The following NCKAP1 variants were observed in gnomAD, a reference collection of about 807,000 sequenced individuals.
NCKAP1 encodes nck-associated protein 1.
In NCKAP1, 21 loss-of-function variants were observed where a neutral mutation model predicts 151.2. That is an observed-to-expected ratio of 0.14 (90% CI 0.10 to 0.20). The LOEUF (loss-of-function observed/expected upper bound fraction) is 0.20. Ranked by LOEUF, NCKAP1 falls within the 10% of genes least tolerant of loss-of-function variation. The pLI, the probability that NCKAP1 is intolerant of heterozygous loss-of-function variation, is 1.00. For synonymous variants in NCKAP1, 484 were observed against 451.8 expected (o/e 1.07, Z -0.90); for missense variants, 933 against 1,352.1 (o/e 0.69, Z 4.86).
chr2:183,003,588 GA>G lies in NCKAP1; in HGVS notation c.220-264del, dbSNP rs144621686. On this transcript the variant is annotated intron_variant, in intron 2 of 30. Transcript: ENST00000361354. Reference sequence around the variant, plus strand: ...ATTAAGGAAAATCTGAAAGTGTTAGGAAAAAAAGTATCAAATGAACTCTTAA... The same window carrying G: ...ATTAAGGAAAATCTGAAAGTGTTAGGAAAAAAGTATCAAATGAACTCTTAA... 5.6e-3 allele frequency among the ~76,000 whole-genome samples: 850 copies of G among 151,802 alleles called. 5 individuals are homozygous for G. The highest frequency in any genetic ancestry group is 0.019 in the African/African-American group (805 of 41,406).
Position 182,923,693 on chromosome 2 carries a change from T to C in NCKAP1, c.*2009A>G, listed in dbSNP as rs1696587202. On this transcript the variant is annotated 3_prime_UTR_variant, in exon 31 of 31. Transcript: ENST00000361354. ...AGTATGTATGGTATGATCACATTAA[T>C]GTAGAGAAAACAACAAAAATAGTAT... 1 of 152,222 alleles carries C rather than the reference T, an allele frequency of 6.6e-6. No individual in the cohort carries two copies. The highest frequency in any genetic ancestry group is 1.5e-5 in the Non-Finnish European group (1 of 68,030). The allele number at this position is 152,222 out of a possible 1,614,324, so 9.4% of individuals were successfully genotyped here. A position where few individuals can be genotyped will look rare whatever the true frequency, so the allele number is the denominator to read the frequency against.
chr2:183,027,826 G>T (rs1289331244), intron 1 of NCKAP1, among the ~76,000 whole-genome samples: 1 of 151,954 alleles, frequency 6.6e-6, no homozygotes, highest in Non-Finnish European at 1.5e-5. Flanking sequence ...TCATTTTGAG[G>T]ATAAGAAAAT....
chr2:182,959,710 T>A (rs1697402189), intron 18 of NCKAP1, among the ~76,000 whole-genome samples: 1 of 152,090 alleles, frequency 6.6e-6, no homozygotes, highest in South Asian at 2.1e-4. Context: ...CCACTCCTAT[T>A]CAACACAGTG....
intron 22 of NCKAP1, 25 bp downstream of exon 22, chr2:182,952,768 T>C: frequency 6.4e-7 from 1 of 1,553,482 alleles, no homozygotes; most frequent in Non-Finnish European, 8.7e-7. Flanking sequence ...CTTCATTCTC[T>C]AAACTGTGGT....
chr2:182,973,871 A>T (rs751407245), intron 15 of NCKAP1, among the ~76,000 whole-genome samples: 30 of 152,126 alleles, frequency 2.0e-4, no homozygotes, highest in Non-Finnish European at 3.4e-4. Context: ...AACTTGAAAA[A>T]TGCTTTATCC....
At chr2:183,034,591 T>C (rs1304530018) in intron 1 of NCKAP1, among the ~76,000 whole-genome samples, 1 of 152,176 alleles carries the variant, frequency 6.6e-6, no homozygotes, top group Non-Finnish European at 1.5e-5. Flanking sequence ...TTTGGGTATT[T>C]GGCAGTTTTG....
intron 1 of NCKAP1, among the ~76,000 whole-genome samples, chr2:183,031,371 A>G (rs1411327163): frequency 1.3e-5 from 2 of 152,220 alleles, no homozygotes; most frequent in Admixed American, 6.5e-5. Context: ...GTGTTTTTGC[A>G]GTTTTTTAAA....
intron 2 of NCKAP1, among the ~76,000 whole-genome samples, chr2:183,016,392 G>A (rs545562145): frequency 6.6e-6 from 1 of 152,264 alleles, no homozygotes; most frequent in Admixed American, 6.5e-5. Flanking sequence ...GTTCAAGATA[G>A]AATTAAAGAC....
chr2:182,926,127 T>C (rs908728563), intron 30 of NCKAP1, among the ~76,000 whole-genome samples: 2 of 151,772 alleles, frequency 1.3e-5, no homozygotes, highest in Non-Finnish European at 2.9e-5. Context: ...AATACAAAAA[T>C]ATTTTTTTTT....
intron 1 of NCKAP1, among the ~76,000 whole-genome samples, chr2:183,036,815 C>CAA (rs143710680): frequency 0.091 from 12,088 of 132,816 alleles, 704 homozygotes; most frequent in African/African-American, 0.17. Context: ...AATGAATTTC[C>CAA]AAAGAAAAAA....
At chr2:183,015,571 GA>G in intron 2 of NCKAP1, among the ~76,000 whole-genome samples, 1 of 151,910 alleles carries the variant, frequency 6.6e-6, no homozygotes, top group Admixed American at 6.5e-5. Flanking sequence ...TATAATTTCA[GA>G]AAGTCATGGT....
chr2:182,987,048 C>T (rs1698070384), intron 9 of NCKAP1, among the ~76,000 whole-genome samples: 1 of 152,102 alleles, frequency 6.6e-6, no homozygotes, highest in Non-Finnish European at 1.5e-5. Flanking sequence ...TCAAGACCAG[C>T]CTGGCCAACA....
chr2:182,964,626 T>A (rs111942627), intron 17 of NCKAP1, 50 bp downstream of exon 17: 117 of 1,434,942 alleles, frequency 8.2e-5, no homozygotes, highest in Non-Finnish European at 1.1e-4. Flanking sequence ...ACAGGTTTGA[T>A]CTAGTTTACT....
intron 10 of NCKAP1, among the ~76,000 whole-genome samples, chr2:182,985,850 T>C (rs1367034841): frequency 6.6e-6 from 1 of 151,386 alleles, no homozygotes; most frequent in Non-Finnish European, 1.5e-5. Context: ...TATATGGATA[T>C]ATTAATTTTC....
intron 1 of NCKAP1, among the ~76,000 whole-genome samples, chr2:183,026,292 G>C (rs948996336): frequency 3.3e-5 from 5 of 152,006 alleles, no homozygotes; most frequent in African/African-American, 1.2e-4. Flanking sequence ...TTAGCTTGTA[G>C]AGAAGTAAGC....
Position 182,928,243 on chromosome 2 carries a change from A to T in NCKAP1, c.3071-17T>A. ...TGCAATGCCCTGAGAAAATGCAAAT[A>T]GGGTTGTGTAGACCCCAAAATAGCA... is the stretch of plus-strand genomic sequence containing the variant. On this transcript the variant is annotated splice_polypyrimidine_tract_variant and intron_variant, in intron 28 of 30. Transcript: ENST00000361354. 1 of 1,557,526 alleles carries T rather than the reference A, an allele frequency of 6.4e-7. No homozygotes were observed. Among genetic ancestry groups the T allele is most frequent in the Non-Finnish European group, 8.8e-7 (1 of 1,135,834 alleles).
chr2:182,953,500 G>GT (rs1360253276), intron 20 of NCKAP1, among the ~76,000 whole-genome samples, 169 bp from the exon 21 acceptor site: 1 of 152,070 alleles, frequency 6.6e-6, no homozygotes, highest in African/African-American at 2.4e-5. Context: ...AGGAAACAGC[G>GT]TAAAAAAAGA....
Position 182,915,780 on chromosome 2 carries a change from A to C in NCKAP1, c.*9922T>G, listed in dbSNP as rs970656104. On this transcript the variant is annotated 3_prime_UTR_variant, in exon 31 of 31. Coordinates refer to ENST00000361354, the MANE Select transcript of NCKAP1 (RefSeq NM_013436.5). ...CTCTAGCTAGGGGTGAGTCACCAGAATAAAATGATCATTTATTTCAGGACA... is the reference window on the plus strand; with the variant it reads ...CTCTAGCTAGGGGTGAGTCACCAGACTAAAATGATCATTTATTTCAGGACA... The C allele has an allele frequency of 1.3e-5, 2 of 152,222 alleles. No homozygotes were observed. The highest frequency in any genetic ancestry group is 4.8e-5 in the African/African-American group (2 of 41,458). The allele number at this position is 152,222 out of a possible 1,614,324, so 9.4% of individuals were successfully genotyped here. A position where few individuals can be genotyped will look rare whatever the true frequency, so the allele number is the denominator to read the frequency against.
intron 15 of NCKAP1, among the ~76,000 whole-genome samples, chr2:182,976,408 T>C (rs1483657841): frequency 6.6e-6 from 1 of 152,238 alleles, no homozygotes; most frequent in Non-Finnish European, 1.5e-5. Context: ...TAAATAGTTT[T>C]ACTGGAATAC....
Sources: gnomAD v4.1 joint callset for allele counts (sites outside exome capture counted in the v4.1 genomes callset) on GRCh38, gnomAD v4.1.1 for gene constraint, MANE v1.5 for transcripts, NCBI Gene and HGNC (gene_info 2026-07-23, HGNC 2026-07-21) for gene names.